CDK14: variants seen among roughly 807,000 people sequenced by gnomAD.
CDK14 encodes cyclin-dependent kinase 14.
A neutral mutation model predicts 60.7 loss-of-function variants in CDK14; 34 were observed. That is an observed-to-expected ratio of 0.56 (90% CI 0.43 to 0.75). CDK14 has a LOEUF of 0.75. Among genes scored for constraint, CDK14 ranks in the 30% least tolerant of loss-of-function variants. The pLI is 0.00. For missense variants in CDK14, 482 were observed against 564.1 expected (o/e 0.85, Z 1.47); for synonymous variants, 197 against 203.7 (o/e 0.97, Z 0.28).
chr7:90,858,772 T>C (rs1790912329), intron 5 of CDK14, among the ~76,000 whole-genome samples: 1 of 152,196 alleles, frequency 6.6e-6, no homozygotes, highest in Non-Finnish European at 1.5e-5. Flanking sequence ...AGTATCACTT[T>C]TAAAATGAGC....
intron 11 of CDK14, among the ~76,000 whole-genome samples, chr7:91,076,564 T>C (rs1182636492): frequency 6.6e-6 from 1 of 152,036 alleles, no homozygotes; most frequent in African/African-American, 2.4e-5. Context: ...AAATCCCAGG[T>C]AATACCATTC....
chr7:90,849,477 G>A (rs959998297), intron 5 of CDK14, among the ~76,000 whole-genome samples: 1 of 152,000 alleles, frequency 6.6e-6, no homozygotes, highest in African/African-American at 2.4e-5. Context: ...CTTGGACAAA[G>A]TGGTGTTAGG....
intron 2 of CDK14, among the ~76,000 whole-genome samples, chr7:90,637,709 T>G (rs1459380571): frequency 6.2e-5 from 9 of 144,558 alleles, no homozygotes; most frequent in Non-Finnish European, 9.0e-5. Context: ...TCTGTCTCGT[T>G]GATCTGTCTA....
chr7:90,991,200 A>G (rs774887361), intron 10 of CDK14, among the ~76,000 whole-genome samples: 12 of 152,324 alleles, frequency 7.9e-5, no homozygotes, highest in Admixed American at 3.9e-4. Flanking sequence ...AAGGTACTGG[A>G]CTTTATGTGA....
chr7:90,624,495 A>G (rs1011246473), intron 2 of CDK14, among the ~76,000 whole-genome samples: 6 of 152,180 alleles, frequency 3.9e-5, no homozygotes, highest in African/African-American at 1.4e-4. Context: ...CATAAATCCT[A>G]TTTTGTATTC....
At chr7:91,098,237 T>C (rs1799053140) in intron 12 of CDK14, among the ~76,000 whole-genome samples, 1 of 152,198 alleles carries the variant, frequency 6.6e-6, no homozygotes, top group South Asian at 2.1e-4. Flanking sequence ...TTCATTTGCT[T>C]TGAACTAAAC....
At chr7:90,597,184 G>T (rs922712424) in intron 1 of CDK14, 1 of 155,248 alleles carries the variant, frequency 6.4e-6, no homozygotes, top group Non-Finnish European at 1.4e-5. Flanking sequence ...CTAAAGGGAA[G>T]TGGGACAGTT....
At chr7:90,956,728 A>G (rs991849553) in intron 9 of CDK14, among the ~76,000 whole-genome samples, 3 of 151,752 alleles carry the variant, frequency 2.0e-5, no homozygotes, top group African/African-American at 7.3e-5. Context: ...CTCTTCATCT[A>G]GCGTTAGGTA....
At chr7:90,639,699 TTGTC>T (rs1800268488) in intron 2 of CDK14, among the ~76,000 whole-genome samples, 1 of 145,410 alleles carries the variant, frequency 6.9e-6, no homozygotes, top group Admixed American at 7.0e-5. Context: ...GTCTTTTTGT[TTGTC>T]TGTGCCCTGC....
chr7:90,637,210 G>T (rs1315270357), intron 2 of CDK14, among the ~76,000 whole-genome samples: 1 of 150,320 alleles, frequency 6.7e-6, no homozygotes, highest in African/African-American at 2.5e-5. Context: ...TTTTCTAGTT[G>T]TTTTAATTGT....
Position 90,943,896 on chromosome 7 carries a change from G to C in CDK14, c.827-11801G>C, listed in dbSNP as rs573052070. On this transcript the variant is annotated intron_variant, in intron 8 of 14. Coordinates refer to ENST00000380050, the MANE Select transcript of CDK14 (RefSeq NM_001287135.2). ...TGGAAATTTGGTCCCTAGTGTGGCA[G>C]TGTTGGGAGGTGGGACCTTTAAGGG... 3.3e-5 allele frequency among the ~76,000 whole-genome samples: 5 copies of C among 152,300 alleles called. No individual in the cohort carries two copies. In the South Asian group the frequency reaches 1.0e-3, roughly 32 times the overall value.
chr7:90,735,383 G>GT (rs1270148690), intron 3 of CDK14, among the ~76,000 whole-genome samples: 1 of 152,244 alleles, frequency 6.6e-6, no homozygotes, highest in Non-Finnish European at 1.5e-5. Context: ...AGGCAGGGAT[G>GT]TTTAAGTTCT....
intron 2 of CDK14, among the ~76,000 whole-genome samples, chr7:90,638,430 T>C (rs1445002792): frequency 3.3e-5 from 5 of 152,098 alleles, no homozygotes; most frequent in African/African-American, 4.8e-5. Flanking sequence ...GTTGAAAATT[T>C]TTTTCTTTAA....
chr7:91,154,562 A>G (rs1800925812), intron 14 of CDK14, among the ~76,000 whole-genome samples: 1 of 152,172 alleles, frequency 6.6e-6, no homozygotes, highest in African/African-American at 2.4e-5. Context: ...TATGCAGCAC[A>G]TCTTGGAAGA....
intron 14 of CDK14, among the ~76,000 whole-genome samples, chr7:91,124,212 C>T (rs974468712): frequency 6.6e-6 from 1 of 152,040 alleles, no homozygotes; most frequent in Non-Finnish European, 1.5e-5. Flanking sequence ...TTTATATTGA[C>T]ATAATTTCAT....
chr7:90,944,984 T>C (rs1023631395), intron 8 of CDK14, among the ~76,000 whole-genome samples: 1 of 152,148 alleles, frequency 6.6e-6, no homozygotes, highest in Admixed American at 6.5e-5. Context: ...GCTGAATAAG[T>C]ATTAATAATT....
intron 9 of CDK14, among the ~76,000 whole-genome samples, chr7:90,962,157 C>T (rs1310662578): frequency 4.6e-5 from 7 of 151,926 alleles, no homozygotes; most frequent in Non-Finnish European, 8.8e-5. Flanking sequence ...ATAGCTTTGG[C>T]ATGCTGAAAG....
chr7:90,938,589 T>C (rs1042478191), intron 8 of CDK14, among the ~76,000 whole-genome samples: 14 of 152,184 alleles, frequency 9.2e-5, no homozygotes, highest in African/African-American at 3.4e-4. Context: ...TTTTAAAAAA[T>C]GAGTCATTTG....
chr7:90,918,861 G>A (rs1329399401), intron 8 of CDK14, among the ~76,000 whole-genome samples: 4 of 152,012 alleles, frequency 2.6e-5, no homozygotes, highest in African/African-American at 7.2e-5. Context: ...TCTTTTATTC[G>A]AAAAATGAAA....
Sources: gnomAD v4.1 joint callset for allele counts (sites outside exome capture counted in the v4.1 genomes callset) on GRCh38, gnomAD v4.1.1 for gene constraint, MANE v1.5 for transcripts, NCBI Gene and HGNC (gene_info 2026-07-23, HGNC 2026-07-21) for gene names.